Variants in LINGO2 observed in about 807,000 individuals in gnomAD.
LINGO2 encodes leucine-rich repeat and immunoglobulin-like domain-containing nogo receptor-interacting protein 2.
LINGO2 carries 14 observed loss-of-function variants against 30.6 expected under a neutral mutation model. The observed-to-expected ratio is 0.46, with a 90% CI of 0.30 to 0.72. The LOEUF (loss-of-function observed/expected upper bound fraction) is 0.72. Among genes scored for constraint, LINGO2 ranks in the 30% least tolerant of loss-of-function variants. LINGO2 has a pLI of 0.07. For synonymous variants in LINGO2, 317 were observed against 288.5 expected (o/e 1.10, Z -1.00); for missense variants, 729 against 751.7 (o/e 0.97, Z 0.35).
At chr9:29,108,597 T>C in the LINGO2 span, among the ~76,000 whole-genome samples, 20 of 152,324 alleles carry the variant, frequency 1.3e-4, no homozygotes, top group Non-Finnish European at 2.6e-4. Context: ...TAATTATACA[T>C]TACTTTGGTA....
intron 3 of LINGO2, among the ~76,000 whole-genome samples, chr9:28,304,725 T>C (rs1373876287): frequency 6.6e-6 from 1 of 152,082 alleles, no homozygotes; most frequent in Non-Finnish European, 1.5e-5. Context: ...TAGATCTATG[T>C]TTAACTATAT....
intron 1 of LINGO2, among the ~76,000 whole-genome samples, chr9:28,553,342 G>A (rs914467612): frequency 1.1e-4 from 16 of 152,168 alleles, no homozygotes; most frequent in South Asian, 4.1e-4. Flanking sequence ...CGAGAACTAC[G>A]TGAAGAATGC....
At chr9:28,970,900 G>C in the LINGO2 span, among the ~76,000 whole-genome samples, 1 of 152,174 alleles carries the variant, frequency 6.6e-6, no homozygotes, top group Non-Finnish European at 1.5e-5. Flanking sequence ...GCAACAGCCA[G>C]AGCAGTTAAG....
chr9:28,859,691 T>C, the LINGO2 span, among the ~76,000 whole-genome samples: 1 of 152,030 alleles, frequency 6.6e-6, no homozygotes, highest in Admixed American at 6.6e-5. Context: ...ACTATGTTAG[T>C]AGTTAAAAAT....
the LINGO2 span, among the ~76,000 whole-genome samples, chr9:29,047,919 C>T: frequency 2.0e-5 from 3 of 151,952 alleles, 1 homozygote; most frequent in South Asian, 4.1e-4. Context: ...GCCTGGCCAA[C>T]ATGGTGAAAC....
chr9:28,742,130 G>A, the LINGO2 span, among the ~76,000 whole-genome samples: 94 of 152,054 alleles, frequency 6.2e-4, 1 homozygote, highest in African/African-American at 2.2e-3. Flanking sequence ...TGGTGAACCT[G>A]GTCTTGGGGT....
In LINGO2 at chr9:28,174,921, T is replaced by TGTGTGTGTGA. The variant is rs962695032; in HGVS notation, c.-87+120286_-87+120287insTCACACACAC. ...CTCTGTGTGTGTGTGTGTGTGTGTG[T>TGTGTGTGTGA]GAGAGAGAGAGAGAGAGAGAGAGAG... On this transcript the variant is annotated intron_variant, in intron 4 of 5. Transcript: ENST00000379992. 2.8e-3 allele frequency among the ~76,000 whole-genome samples: 375 copies of TGTGTGTGTGA among 133,388 alleles called. 1 individual carries two copies. The highest frequency in any genetic ancestry group is 6.3e-3 in the East Asian group (29 of 4,620). The allele number at this position is 133,388 out of a possible 152,430, so 87.5% of individuals were successfully genotyped here.
At chr9:28,730,356 C>T in the LINGO2 span, among the ~76,000 whole-genome samples, 5 of 152,130 alleles carry the variant, frequency 3.3e-5, no homozygotes, top group African/African-American at 4.8e-5. Context: ...CCTCACTGCT[C>T]TCTGGGACGA....
chr9:28,014,553 T>TAAATAA (rs1822726692), intron 4 of LINGO2, among the ~76,000 whole-genome samples: 1 of 152,070 alleles, frequency 6.6e-6, no homozygotes, highest in Admixed American at 6.6e-5. Flanking sequence ...ATTTTACTTT[T>TAAATAA]TTATCCAGGA....
the LINGO2 span, among the ~76,000 whole-genome samples, chr9:28,904,209 T>G: frequency 6.7e-6 from 1 of 149,218 alleles, no homozygotes; most frequent in Admixed American, 6.7e-5. Context: ...TGGGAAGGAA[T>G]GCACCTCAAC....
At chr9:28,848,047 A>G in the LINGO2 span, among the ~76,000 whole-genome samples, 305 of 47,208 alleles carry the variant, frequency 6.5e-3, 36 homozygotes, top group African/African-American at 0.026. Flanking sequence ...TATATATAGT[A>G]TATATATATA....
chr9:28,697,451 T>C, the LINGO2 span, among the ~76,000 whole-genome samples: 1 of 152,018 alleles, frequency 6.6e-6, no homozygotes, highest in Non-Finnish European at 1.5e-5. Context: ...TTTTACCTAG[T>C]GGTTAGAAAA....
intron 1 of LINGO2, among the ~76,000 whole-genome samples, chr9:28,544,369 C>T (rs900408257): frequency 1.3e-5 from 2 of 152,078 alleles, no homozygotes; most frequent in Non-Finnish European, 2.9e-5. Flanking sequence ...AATGCAGTGA[C>T]AGCTCTCTTG....
At chr9:28,211,943 G>A (rs1463321383) in intron 4 of LINGO2, among the ~76,000 whole-genome samples, 1 of 147,922 alleles carries the variant, frequency 6.8e-6, no homozygotes, top group Non-Finnish European at 1.5e-5. Flanking sequence ...TTTTTTTATC[G>A]ATTACTTTCA....
intron 4 of LINGO2, among the ~76,000 whole-genome samples, chr9:28,097,852 A>G (rs745389814): frequency 1.8e-4 from 22 of 121,338 alleles, no homozygotes; most frequent in Non-Finnish European, 3.0e-4. Flanking sequence ...GAAATAAAAA[A>G]ATAAAAGATA....
At chr9:28,513,315 C>T (rs557058611) in intron 1 of LINGO2, among the ~76,000 whole-genome samples, 9 of 152,276 alleles carry the variant, frequency 5.9e-5, no homozygotes, top group African/African-American at 1.9e-4. Context: ...CAAAGTGTTA[C>T]GGTGTCTACA....
At chr9:28,020,579 A>T (rs1410083838) in intron 4 of LINGO2, among the ~76,000 whole-genome samples, 3 of 148,840 alleles carry the variant, frequency 2.0e-5, no homozygotes, top group African/African-American at 7.5e-5. Flanking sequence ...AACAAACAAA[A>T]CAAGAAAGTG....
chr9:28,791,667 A>T, the LINGO2 span, among the ~76,000 whole-genome samples: 12 of 151,540 alleles, frequency 7.9e-5, no homozygotes, highest in Admixed American at 7.2e-4. Context: ...AAAGTACTCT[A>T]CTTTACTCTG....
chr9:28,025,225 A>G (rs1823320613), intron 4 of LINGO2, among the ~76,000 whole-genome samples: 2 of 152,274 alleles, frequency 1.3e-5, no homozygotes, highest in Non-Finnish European at 2.9e-5. Context: ...ATTACATCCC[A>G]AAGTTTCTGA....
Sources: allele counts gnomAD v4.1 joint callset (sites outside exome capture counted in the v4.1 genomes callset), GRCh38; gene constraint gnomAD v4.1.1; transcripts MANE v1.5; gene names NCBI Gene and HGNC (gene_info 2026-07-23, HGNC 2026-07-21).